The following SYNDIG1 variants were observed in gnomAD, a reference collection of about 807,000 sequenced individuals.
The protein encoded by SYNDIG1 is synapse differentiation-inducing gene protein 1.
A neutral mutation model predicts 19.4 loss-of-function variants in SYNDIG1; 9 were observed. The observed-to-expected ratio is 0.46, with a 90% CI of 0.28 to 0.81. The LOEUF (loss-of-function observed/expected upper bound fraction) is 0.81. Among genes scored for constraint, SYNDIG1 ranks in the 30% least tolerant of loss-of-function variants. The pLI is 0.12. For synonymous variants in SYNDIG1, 141 were observed against 145.9 expected, an observed-to-expected ratio of 0.97 and a Z score of 0.24; for missense variants, 311 against 343.3, an observed-to-expected ratio of 0.91 and a Z score of 0.74.
At chr20:24,646,362 A>G (rs1189097795) in intron 3 of SYNDIG1, among the ~76,000 whole-genome samples, 2 of 152,260 alleles carry the variant, frequency 1.3e-5, no homozygotes, top group African/African-American at 2.4e-5. Flanking sequence ...CAGTGTGGCA[A>G]TATTGGGAGA....
rs2058586878 is a variant in SYNDIG1, at chr20:24,595,868, A to C, written c.618+10875A>C. ...TCTTTTCTTCTTCATTAGTCTACCT[A>C]GTTGTCTATCAAGCTTATTTATTCT... On this transcript the variant is annotated intron_variant, in intron 3 of 3. Transcript: ENST00000376862. Among the ~76,000 whole-genome samples, 3 of 151,948 alleles carry C rather than the reference A, an allele frequency of 2.0e-5. No homozygotes were observed. The South Asian group carries it at 6.2e-4, about 32-fold the overall frequency.
rs148324980 is a variant in SYNDIG1 at position 24,545,948 on chromosome 20, T to C, written c.480+2371T>C. Among the ~76,000 whole-genome samples, 185 of 152,342 alleles carry C rather than the reference T, an allele frequency of 1.2e-3. 1 individual carries two copies. The highest frequency in any genetic ancestry group is 2.1e-3 in the Non-Finnish European group (145 of 68,028). On this transcript the variant is annotated intron_variant, in intron 2 of 3. Coordinates refer to ENST00000376862, the MANE Select transcript of SYNDIG1 (RefSeq NM_024893.3). ...ATCGATGAAACAGCAAGTTGTTTAC[T>C]TAGGCACTTTAGTGAGACTTTCTGG...
chr20:24,550,177 T>G (rs1316356003), intron 2 of SYNDIG1, among the ~76,000 whole-genome samples: 4 of 152,210 alleles, frequency 2.6e-5, no homozygotes, highest in Non-Finnish European at 5.9e-5. Flanking sequence ...ATTTCCCTGA[T>G]TCCTGTCCTA....
chr20:24,557,546 C>G (rs2057847310), intron 2 of SYNDIG1, among the ~76,000 whole-genome samples: 1 of 152,156 alleles, frequency 6.6e-6, no homozygotes, highest in South Asian at 2.1e-4. Flanking sequence ...AGCTGCAGGT[C>G]TGTTGGAGTT....
In SYNDIG1 at chr20:24,584,921, G is replaced by A; in HGVS notation, c.546G>A (p.Leu182=). The change falls in exon 3 of 4, where the codon CTG becomes CTA. Residue 182 remains leucine, a synonymous_variant. Transcript: ENST00000376862. ...NFLMMPPRDH[L]GLSVFSMLCC... is the part of the protein sequence containing the mutation. The stretch of plus-strand genomic sequence containing the variant: ...TCATGATGCCCCCGCGGGACCACCT[G>A]GGCCTCAGTGTCTTCTCCATGCTCT... The A allele has an allele frequency of 6.2e-7, 1 of 1,614,062 alleles. No individual in the cohort carries two copies. The highest frequency in any genetic ancestry group is 8.5e-7 in the Non-Finnish European group (1 of 1,180,016).
intron 1 of SYNDIG1, among the ~76,000 whole-genome samples, chr20:24,476,070 A>C (rs2146206868): frequency 6.6e-6 from 1 of 151,658 alleles, no homozygotes; most frequent in African/African-American, 2.4e-5. Context: ...CCTGTTGGCC[A>C]GGCTGGTCTT....
chr20:24,656,885 T>G (rs2059530661), intron 3 of SYNDIG1, among the ~76,000 whole-genome samples: 1 of 152,068 alleles, frequency 6.6e-6, no homozygotes, highest in South Asian at 2.1e-4. Flanking sequence ...TGGTGGGAAG[T>G]GTTTGGGTCC....
intron 1 of SYNDIG1, among the ~76,000 whole-genome samples, chr20:24,496,338 T>C (rs924882576): frequency 2.6e-5 from 4 of 152,232 alleles, no homozygotes; most frequent in African/African-American, 7.2e-5. Context: ...ATACTCAGTT[T>C]TCCAGTTAAT....
intron 2 of SYNDIG1, among the ~76,000 whole-genome samples, chr20:24,544,228 G>T (rs758026273): frequency 8.5e-5 from 13 of 152,212 alleles, no homozygotes; most frequent in Non-Finnish European, 1.8e-4. Flanking sequence ...GTTGCTGAGT[G>T]TGTGGCACAT....
At chr20:24,584,774 T>C in intron 2 of SYNDIG1, 82 bp from the exon 3 acceptor site, 1 of 1,596,920 alleles carries the variant, frequency 6.3e-7, no homozygotes, top group South Asian at 1.1e-5. Flanking sequence ...CAGCCAGGGG[T>C]CATCCCACAT....
intron 3 of SYNDIG1, among the ~76,000 whole-genome samples, chr20:24,632,589 C>T (rs1215211403): frequency 6.6e-6 from 1 of 152,184 alleles, no homozygotes; most frequent in Non-Finnish European, 1.5e-5. Context: ...AAGCAGGCTG[C>T]CTCATTTCAA....
chr20:24,529,528 G>T (rs2057198275), intron 1 of SYNDIG1, among the ~76,000 whole-genome samples: 1 of 152,228 alleles, frequency 6.6e-6, no homozygotes, highest in African/African-American at 2.4e-5. Flanking sequence ...ATGAATGGTT[G>T]TGGGTGTAGT....
chr20:24,501,010 G>T (rs1417552492), intron 1 of SYNDIG1, among the ~76,000 whole-genome samples: 1 of 151,954 alleles, frequency 6.6e-6, no homozygotes, highest in African/African-American at 2.4e-5. Context: ...AAAAACACAA[G>T]AAATGAAACT....
At chr20:24,545,494 A>G (rs957992119) in intron 2 of SYNDIG1, among the ~76,000 whole-genome samples, 1 of 152,172 alleles carries the variant, frequency 6.6e-6, no homozygotes, top group African/African-American at 2.4e-5. Context: ...ATGCAGCCCC[A>G]GGAGTTATGG....
At chr20:24,471,286 G>A (rs1811597563) in intron 1 of SYNDIG1, among the ~76,000 whole-genome samples, 1 of 152,078 alleles carries the variant, frequency 6.6e-6, no homozygotes, top group African/African-American at 2.4e-5. Flanking sequence ...GTGAAAAGGA[G>A]CTGCTAGGAG....
chr20:24,627,712 T>C (rs2059172206), intron 3 of SYNDIG1, among the ~76,000 whole-genome samples: 1 of 152,246 alleles, frequency 6.6e-6, no homozygotes, highest in African/African-American at 2.4e-5. Context: ...AACAAAATGC[T>C]TTGCTACCAA....
intron 1 of SYNDIG1, among the ~76,000 whole-genome samples, chr20:24,534,446 C>G (rs1369215860): frequency 6.6e-6 from 1 of 152,208 alleles, no homozygotes; most frequent in East Asian, 1.9e-4. Flanking sequence ...TTCTGAACCT[C>G]TGCACAGGTC....
rs183486614 is a variant in SYNDIG1, at chr20:24,488,968, C to G, written c.-79+19215C>G. Among the ~76,000 whole-genome samples the G allele has an allele frequency of 3.0e-4, 46 of 152,298 alleles. 1 individual carries two copies. The East Asian group carries it at 8.5e-3, about 28-fold the overall frequency. On this transcript the variant is annotated intron_variant, in intron 1 of 3. Transcript: ENST00000376862. ...TGTTCTATGTGAAAAGCCTCTTCCC[C>G]TGTTAGTCATCATTTCCCCACTGTG...
chr20:24,624,230 C>T (rs117438843), intron 3 of SYNDIG1, among the ~76,000 whole-genome samples: 27,936 of 138,116 alleles, frequency 0.2, 3,568 homozygotes, highest in Admixed American at 0.37. Context: ...CAATCCAGCC[C>T]GGGTGACAGA....
Sources: gnomAD v4.1 joint callset for allele counts (sites outside exome capture counted in the v4.1 genomes callset) on GRCh38, gnomAD v4.1.1 for gene constraint, MANE v1.5 for transcripts, NCBI Gene and HGNC (gene_info 2026-07-23, HGNC 2026-07-21) for gene names.